The following EYA2 variants were observed in gnomAD, a reference collection of about 807,000 sequenced individuals.
EYA2 encodes EYA transcriptional coactivator and phosphatase 2.
In EYA2, 31 loss-of-function variants were observed where a neutral mutation model predicts 69.2. The ratio of observed to expected loss-of-function variants is 0.45; its 90% confidence interval spans 0.34 to 0.60. The LOEUF (loss-of-function observed/expected upper bound fraction) is 0.60, where lower values mean the gene tolerates loss of function less well. Ranked by LOEUF, EYA2 falls within the 20% of genes least tolerant of loss-of-function variation. The pLI is 0.02. For synonymous variants in EYA2, 257 were observed against 279.4 expected, an observed-to-expected ratio of 0.92 and a Z score of 0.80; for missense variants, 622 against 701.2, an observed-to-expected ratio of 0.89 and a Z score of 1.28.
chr20:46,975,083 G>A (rs1000485897), intron 1 of EYA2, among the ~76,000 whole-genome samples: 17 of 151,828 alleles, frequency 1.1e-4, no homozygotes, highest in Middle Eastern at 3.2e-3. Context: ...AGGAGTTAAG[G>A]GTTTTGGGTC....
At chr20:47,010,683 A>G (rs1187899282) in intron 4 of EYA2, among the ~76,000 whole-genome samples, 3 of 149,988 alleles carry the variant, frequency 2.0e-5, no homozygotes, top group African/African-American at 7.4e-5. Flanking sequence ...CTACATATAT[A>G]TATGTGTATG....
chr20:46,935,794 G>T (rs1471003881), intron 1 of EYA2, among the ~76,000 whole-genome samples: 2 of 151,834 alleles, frequency 1.3e-5, no homozygotes, highest in African/African-American at 4.8e-5. Context: ...ATATTATGTT[G>T]CAATAGTTCG....
chr20:47,034,335 C>G (rs777215882), intron 5 of EYA2, among the ~76,000 whole-genome samples: 1 of 152,016 alleles, frequency 6.6e-6, no homozygotes, highest in African/African-American at 2.4e-5. Context: ...AGGTAAGTTT[C>G]GCAAAAATGT....
At chr20:46,986,266 G>GAT (rs150163131) in intron 1 of EYA2, among the ~76,000 whole-genome samples, 7,922 of 146,856 alleles carry the variant, frequency 0.054, 306 homozygotes, top group Non-Finnish European at 0.084. Context: ...AAACACTGGA[G>GAT]ATATATATAT....
intron 1 of EYA2, among the ~76,000 whole-genome samples, chr20:46,933,434 A>G (rs1337338839): frequency 6.6e-6 from 1 of 152,160 alleles, no homozygotes; most frequent in Non-Finnish European, 1.5e-5. Context: ...AACACTCCAG[A>G]TGGATGTAGG....
rs553237631 is a variant in EYA2 at position 46,918,177 on chromosome 20, C to T, written c.-11+23190C>T. ...CTACTAAAAAATACAAAAAATTAGC[C>T]GGGCGTGGTGGCAGGTGCCTGTAGT... On this transcript the variant is annotated intron_variant, in intron 1 of 15. Coordinates refer to ENST00000327619, the MANE Select transcript of EYA2 (RefSeq NM_005244.5). Among the ~76,000 whole-genome samples, 508 of 151,784 alleles carry T rather than the reference C, an allele frequency of 3.3e-3. 5 individuals are homozygous for T. Among genetic ancestry groups the T allele is most frequent in the African/African-American group, 0.012 (494 of 41,452 alleles).
chr20:46,955,312 A>G (rs1979055703), intron 1 of EYA2, among the ~76,000 whole-genome samples: 1 of 152,068 alleles, frequency 6.6e-6, no homozygotes, highest in South Asian at 2.1e-4. Context: ...AGCTGTCATT[A>G]TTTATTTAAT....
intron 1 of EYA2, among the ~76,000 whole-genome samples, chr20:46,950,718 A>C (rs1291322113): frequency 6.6e-6 from 1 of 152,208 alleles, no homozygotes; most frequent in African/African-American, 2.4e-5. Context: ...CAGCTTTAGC[A>C]GAGGCCCCAG....
Position 47,179,798 on chromosome 20 carries a change from G to A in EYA2, c.1199G>A (p.Gly400Glu), listed in dbSNP as rs756813424. 6.2e-7 allele frequency: 1 copy of A among 1,609,136 alleles called. No homozygotes were observed. The highest frequency in any genetic ancestry group is 2.2e-5 in the East Asian group (1 of 44,848). The change falls in exon 13 of 16, where the codon GGG becomes GAG. Residue 400 changes from glycine (G) to glutamate (E), a missense_variant and splice_region_variant. Physicochemically the swap from Gly to Glu is moderately conservative, Grantham distance 98. This residue lies in a region of EYA2 where 257 missense variants were observed against 351.5 expected (regional missense o/e 0.73). Coordinates refer to ENST00000327619, the MANE Select transcript of EYA2 (RefSeq NM_005244.5). ...ACATCTTTATTTCCTTTGTCCACAG[G>A]GTTGATAGGCACTCCCAAAAGGGAG... Reference protein sequence around the residue: ...MYNTYKNNVGGLIGTPKRETW... With the variant: ...MYNTYKNNVGELIGTPKRETW...
intron 15 of EYA2, 83 bp downstream of exon 15, chr20:47,183,474 C>T: frequency 1.6e-6 from 2 of 1,254,570 alleles, no homozygotes; most frequent in Non-Finnish European, 2.2e-6. Context: ...CCATGATTTC[C>T]TCCACTCCCC....
intron 7 of EYA2, among the ~76,000 whole-genome samples, chr20:47,087,962 C>T (rs2031948743): frequency 6.6e-6 from 1 of 152,248 alleles, no homozygotes; most frequent in Admixed American, 6.5e-5. Context: ...CACAGTGGCT[C>T]ACGCCTGTAA....
intron 9 of EYA2, among the ~76,000 whole-genome samples, chr20:47,116,108 A>G (rs2032882921): frequency 1.3e-5 from 2 of 151,774 alleles, no homozygotes; most frequent in Non-Finnish European, 2.9e-5. Flanking sequence ...TCATAGTAGC[A>G]CAGTTGCAAT....
chr20:47,171,591 G>A (rs1163428035), intron 11 of EYA2, among the ~76,000 whole-genome samples: 3 of 152,082 alleles, frequency 2.0e-5, no homozygotes, highest in Non-Finnish European at 2.9e-5. Context: ...TAGAGAGATT[G>A]AGCAATTGGC....
intron 9 of EYA2, among the ~76,000 whole-genome samples, chr20:47,133,436 G>A (rs2033389598): frequency 6.6e-6 from 1 of 152,220 alleles, no homozygotes; most frequent in Non-Finnish European, 1.5e-5. Flanking sequence ...ATTTACGGAT[G>A]TGACTGCTCA....
At position 47,065,873 on chromosome 20, in the gene EYA2, G is replaced by A. The variant is rs1332294710; in HGVS notation, c.416-6312G>A. On this transcript the variant is annotated intron_variant, in intron 5 of 15. Transcript: ENST00000327619. ...GTCTGGAATTATCTCACTTCCTTAT[G>A]TATCTGTTCATTTGATTGTTGTCTG... Among the ~76,000 whole-genome samples the A allele has an allele frequency of 3.9e-5, 6 of 152,254 alleles. No individual in the cohort carries two copies. The East Asian group carries it at 9.6e-4, about 24-fold the overall frequency.
chr20:47,042,365 A>G (rs1985124187), intron 5 of EYA2, among the ~76,000 whole-genome samples: 1 of 152,232 alleles, frequency 6.6e-6, no homozygotes, highest in African/African-American at 2.4e-5. Context: ...AAAAGAAATT[A>G]AAAGGGAAGT....
intron 1 of EYA2, among the ~76,000 whole-genome samples, chr20:46,922,652 A>G (rs959308117): frequency 1.3e-5 from 2 of 152,186 alleles, no homozygotes; most frequent in Non-Finnish European, 2.9e-5. Context: ...ACCAGCTAGA[A>G]TTGTGGGGGA....
At chr20:46,973,311 A>G (rs1980251636) in intron 1 of EYA2, among the ~76,000 whole-genome samples, 1 of 152,236 alleles carries the variant, frequency 6.6e-6, no homozygotes, top group African/African-American at 2.4e-5. Context: ...AGTTTCTCCA[A>G]CACATCAAGA....
chr20:47,026,225 T>TTA (rs773587872), intron 5 of EYA2, among the ~76,000 whole-genome samples: 2 of 152,230 alleles, frequency 1.3e-5, no homozygotes, highest in Non-Finnish European at 2.9e-5. Flanking sequence ...GAACAGCTAG[T>TTA]TAGCCATCTG....
Sources: allele counts gnomAD v4.1 joint callset (sites outside exome capture counted in the v4.1 genomes callset), GRCh38; gene constraint gnomAD v4.1.1; regional missense constraint gnomAD v4.1.1; transcripts MANE v1.5; gene names NCBI Gene and HGNC (gene_info 2026-07-23, HGNC 2026-07-21).